The following DLD variants were observed in gnomAD, a reference collection of about 807,000 sequenced individuals.
The protein encoded by DLD is dihydrolipoamide dehydrogenase.
In DLD, 36 loss-of-function variants were observed where a neutral mutation model predicts 62.2. The ratio of observed to expected loss-of-function variants is 0.58; its 90% CI spans 0.44 to 0.76. DLD has a LOEUF of 0.76. Among genes scored for constraint, DLD ranks in the 30% least tolerant of loss-of-function variants. The pLI, the probability that DLD is intolerant of heterozygous loss-of-function variation, is 0.00. For synonymous variants in DLD, 204 were observed against 199.6 expected, an observed-to-expected ratio of 1.02 and a Z score of -0.19; for missense variants, 541 against 608.6, an observed-to-expected ratio of 0.89 and a Z score of 1.17.
At chr7:107,891,595 C>T in intron 1 of DLD, 2 of 555,968 alleles carry the variant, frequency 3.6e-6, no homozygotes, top group South Asian at 4.0e-5. Context: ...CACACATAGG[C>T]CTCTACCTTG....
Position 107,905,392 on chromosome 7 carries a change from C to A in DLD, c.470C>A (p.Thr157Asn). The change falls in exon 7 of 14, where the codon ACT (threonine) becomes AAT (asparagine). Residue 157 changes from threonine (T) to asparagine (N), a missense_variant. By Grantham distance (65) the Thr-to-Asn change is moderately conservative. Transcript: ENST00000205402. ...VVHVNGYGKI[T>N]GKNQVTATKA... ...CATGTCAATGGATATGGAAAGATAA[C>A]TGGCAAAAATCAAGTCACTGCTACG... The A allele has an allele frequency of 6.2e-7, 1 of 1,613,616 alleles. No individual in the cohort carries two copies. Among genetic ancestry groups the A allele is most frequent in the Non-Finnish European group, 8.5e-7 (1 of 1,179,638 alleles).
At position 107,916,833 on chromosome 7, in the gene DLD, T is replaced by C; in HGVS notation, c.915T>C (p.Thr305=). 6.2e-7 allele frequency: 1 copy of C among 1,613,402 alleles called. No individual in the cohort carries two copies. Among genetic ancestry groups the C allele is most frequent in the African/African-American group, 1.3e-5 (1 of 74,754 alleles). ...AASGGKAEVI[T]CDVLLVCIGR... is the part of the protein sequence containing the mutation. ...CTGGTGGTAAAGCTGAAGTTATCAC[T>C]TGTGATGTACTCTTGGTTTGCATTG... is the stretch of plus-strand genomic sequence containing the variant. The change falls in exon 10 of 14, where the codon ACT becomes ACC. Residue 305 remains threonine (T), a synonymous_variant. Transcript: ENST00000205402.
intron 8 of DLD, among the ~76,000 whole-genome samples, chr7:107,906,585 G>A (rs924560498): frequency 9.2e-5 from 14 of 151,828 alleles, no homozygotes; most frequent in Non-Finnish European, 1.5e-5. Context: ...CTGTTTCCTT[G>A]TACCTTCCAC....
At chr7:107,898,631 C>T (rs2031796737) in intron 2 of DLD, among the ~76,000 whole-genome samples, 1 of 150,356 alleles carries the variant, frequency 6.7e-6, no homozygotes, top group African/African-American at 2.5e-5. Flanking sequence ...TGCACTGTCG[C>T]CCAGGCTGGA....
rs2032355249 is a variant in DLD, at chr7:107,919,434, A to G, written c.*175A>G. ...GAATACTCTTATATCTATATTTTAC[A>G]TAAATTTAGTATTTTGTTTCAGTGC... is the stretch of plus-strand genomic sequence containing the variant. On this transcript the variant is annotated 3_prime_UTR_variant, in exon 14 of 14. Coordinates refer to ENST00000205402, the MANE Select transcript of DLD (RefSeq NM_000108.5). 1 of 551,534 alleles carries G rather than the reference A, an allele frequency of 1.8e-6. No individual in the cohort carries two copies. The highest frequency in any genetic ancestry group is 3.1e-6 in the Non-Finnish European group (1 of 318,414). The allele number at this position is 551,534 out of a possible 1,614,324, so 34.2% of individuals were successfully genotyped here.
intron 9 of DLD, 66 bp downstream of exon 9, chr7:107,915,762 A>T: frequency 6.9e-7 from 1 of 1,452,906 alleles, no homozygotes; most frequent in Non-Finnish European, 9.6e-7. Context: ...CTCAAGTTTC[A>T]AAATCAGTTT....
chr7:107,907,973 C>T (rs934809843), intron 8 of DLD, among the ~76,000 whole-genome samples: 1 of 152,192 alleles, frequency 6.6e-6, no homozygotes, highest in Non-Finnish European at 1.5e-5. Context: ...GGACTAATTT[C>T]TTCACTGCTT....
Position 107,920,343 on chromosome 7 carries a change from G to T in DLD, c.*1084G>T, listed in dbSNP as rs1331456938. The T allele has an allele frequency of 6.6e-6, 1 of 152,288 alleles. No individual in the cohort carries two copies. The allele number at this position is 152,288 out of a possible 1,614,324, so 9.4% of individuals were successfully genotyped here. A position where few individuals can be genotyped will look rare whatever the true frequency, so the allele number is the denominator to read the frequency against. On this transcript the variant is annotated 3_prime_UTR_variant, in exon 14 of 14. Coordinates refer to ENST00000205402, the MANE Select transcript of DLD (RefSeq NM_000108.5). Reference sequence around the variant, plus strand: ...TTTTGCATATTGTAACTAAATTTAAGAATAATTCAGATTAAGTAGTTCTGA... The same window carrying T: ...TTTTGCATATTGTAACTAAATTTAATAATAATTCAGATTAAGTAGTTCTGA...
intron 12 of DLD, 49 bp from the exon 13 acceptor site, chr7:107,918,961 A>C: frequency 6.9e-7 from 1 of 1,449,288 alleles, no homozygotes; most frequent in Non-Finnish European, 9.7e-7. Context: ...TCCTATTAGC[A>C]TGTAGTTTTT....
rs79627300 is a variant in DLD, at chr7:107,914,196, A to G, written c.685-1310A>G. Among the ~76,000 whole-genome samples, 29 of 152,150 alleles carry G rather than the reference A, an allele frequency of 1.9e-4. No individual in the cohort carries two copies. In the East Asian group the frequency reaches 5.4e-3, roughly 28 times the overall value. ...TTTAATGTACTTACGTGCCATCTCT[A>G]TATCTTCCCTCTTCAGACATTTGTC... On this transcript the variant is annotated intron_variant, in intron 8 of 13. Coordinates refer to ENST00000205402, the MANE Select transcript of DLD (RefSeq NM_000108.5).
chr7:107,902,277 G>A, intron 3 of DLD, 48 bp from the exon 4 acceptor site: 1 of 1,519,094 alleles, frequency 6.6e-7, no homozygotes, highest in Non-Finnish European at 9.1e-7. Context: ...TTAGTGATCT[G>A]AAACATTGAG....
Position 107,892,155 on chromosome 7 carries a change from G to C in DLD, c.39+866G>C, listed in dbSNP as rs138237162. Reference sequence around the variant, plus strand: ...ACCTCAAATGTTAAGAGTTGCCTTGGAATAGGAAACATCAGTGTAGGTTTT... The same window carrying C: ...ACCTCAAATGTTAAGAGTTGCCTTGCAATAGGAAACATCAGTGTAGGTTTT... On this transcript the variant is annotated intron_variant, in intron 1 of 13. Transcript: ENST00000205402. Among the ~76,000 whole-genome samples, 98 of 152,308 alleles carry C rather than the reference G, an allele frequency of 6.4e-4. 1 individual carries two copies. In the South Asian group the frequency reaches 8.3e-3, roughly 13 times the overall value.
intron 2 of DLD, among the ~76,000 whole-genome samples, chr7:107,900,816 A>T (rs1010161113): frequency 6.6e-6 from 1 of 152,168 alleles, no homozygotes; most frequent in Non-Finnish European, 1.5e-5. Flanking sequence ...AATATGTGTT[A>T]TGAATTGCTA....
chr7:107,904,639 C>A, intron 5 of DLD: 1 of 471,640 alleles, frequency 2.1e-6, no homozygotes, highest in Admixed American at 2.5e-5. Flanking sequence ...TTTACTTTGT[C>A]ATTTCTACTT....
intron 8 of DLD, among the ~76,000 whole-genome samples, chr7:107,908,860 G>C (rs996529451): frequency 2.9e-4 from 44 of 152,058 alleles, no homozygotes; most frequent in Admixed American, 1.3e-4. Context: ...TAAGACCAAA[G>C]CTCCTTGAAG....
chr7:107,910,789 TTGAGTTTTCC>T (rs773638360), intron 8 of DLD, among the ~76,000 whole-genome samples: 26 of 152,198 alleles, frequency 1.7e-4, no homozygotes, highest in Non-Finnish European at 2.9e-4. Flanking sequence ...GTAGATGCTA[TTGAGTTTTCC>T]TATCTATAAG....
Position 107,891,331 on chromosome 7 carries a change from G to A in DLD, c.39+42G>A, listed in dbSNP as rs531979218. 4.0e-5 allele frequency: 65 copies of A among 1,612,490 alleles called. No individual in the cohort carries two copies. In the South Asian group the frequency reaches 6.7e-4, roughly 17 times the overall value. On this transcript the variant is annotated intron_variant, in intron 1 of 13. Transcript: ENST00000205402. ...TGAGGTCGTGTTGAGCCAGAGGCAC[G>A]GAAGGTCCCGCTCAGTGGGTCCGGT...
chr7:107,899,870 A>C (rs2031833279), intron 2 of DLD, among the ~76,000 whole-genome samples: 1 of 152,104 alleles, frequency 6.6e-6, no homozygotes, highest in African/African-American at 2.4e-5. Context: ...AAGACATTAA[A>C]AATTCAGCAA....
chr7:107,905,147 G>A (rs2031972976), intron 6 of DLD, 89 bp downstream of exon 6: 6 of 1,056,244 alleles, frequency 5.7e-6, no homozygotes, highest in Non-Finnish European at 8.6e-6. Context: ...CTTGGTTACA[G>A]GGGAATATTT....
Sources: gnomAD v4.1 joint callset for allele counts (sites outside exome capture counted in the v4.1 genomes callset) on GRCh38, gnomAD v4.1.1 for gene constraint, MANE v1.5 for transcripts, NCBI Gene and HGNC (gene_info 2026-07-23, HGNC 2026-07-21) for gene names.